The following TTC4 variants were observed in gnomAD, a reference collection of about 807,000 sequenced individuals.
TTC4 encodes the protein hsp70/Hsp90 co-chaperone CNS1 homolog.
TTC4 carries 36 observed loss-of-function variants against 51.9 expected under a neutral mutation model. That is an observed-to-expected ratio of 0.69 (90% CI 0.53 to 0.92). The LOEUF (loss-of-function observed/expected upper bound fraction) is 0.92, where lower values mean the gene tolerates loss of function less well. Ranked by LOEUF, TTC4 falls within the 40% of genes least tolerant of loss-of-function variation. TTC4 has a pLI of 0.00. For missense variants in TTC4, 399 were observed against 454.6 expected, an observed-to-expected ratio of 0.88 and a Z score of 1.11; for synonymous variants, 144 against 164.2, an observed-to-expected ratio of 0.88 and a Z score of 0.94.
At chr1:54,718,747 G>A (rs1645706387) in intron 3 of TTC4, among the ~76,000 whole-genome samples, 1 of 152,006 alleles carries the variant, frequency 6.6e-6, no homozygotes, top group East Asian at 1.9e-4. Flanking sequence ...AGTATTGCTG[G>A]TGACTAGTCT....
At chr1:54,732,950 G>A (rs148519023) in intron 7 of TTC4, among the ~76,000 whole-genome samples, 1,808 of 151,980 alleles carry the variant, frequency 0.012, 39 homozygotes, top group African/African-American at 0.041. Flanking sequence ...AGCCGGGCAT[G>A]GTGGTGCATG....
Position 54,741,581 on chromosome 1 carries a change from C to CAGTATGTCCAGCTGAT in TTC4, c.*68_*69insAGTATGTCCAGCTGAT. ...TGGGAACCTAGCACACCTGAATCAG[C>CAGTATGTCCAGCTGAT]TGGACATACTGCTGGAGTCCAGTGC... On this transcript the variant is annotated 3_prime_UTR_variant, in exon 10 of 10. Coordinates refer to ENST00000371281, the MANE Select transcript of TTC4 (RefSeq NM_004623.5). 1 of 1,271,050 alleles carries CAGTATGTCCAGCTGAT rather than the reference C, an allele frequency of 7.9e-7. No individual in the cohort carries two copies. The highest frequency in any genetic ancestry group is 1.1e-6 in the Non-Finnish European group (1 of 870,856). 78.7% of individuals were successfully genotyped at this position (1,271,050 alleles called of 1,614,324 possible).
chr1:54,725,167 C>T (rs1364796970), intron 5 of TTC4, among the ~76,000 whole-genome samples: 1 of 152,128 alleles, frequency 6.6e-6, no homozygotes, highest in Admixed American at 6.5e-5. Flanking sequence ...AGACCCCGCT[C>T]ACAGGGCTAT....
At chr1:54,739,514 G>A (rs1645986864) in intron 9 of TTC4, among the ~76,000 whole-genome samples, 1 of 152,152 alleles carries the variant, frequency 6.6e-6, no homozygotes, top group Admixed American at 6.5e-5. Context: ...AACTGCACAG[G>A]GCAGTCCTGC....
At chr1:54,731,345 C>T (rs931562851) in intron 6 of TTC4, 141 bp from the exon 7 acceptor site, 71 of 719,060 alleles carry the variant, frequency 9.9e-5, no homozygotes, top group Admixed American at 2.1e-4. Flanking sequence ...AGTGAAACTC[C>T]GTCTCTTCAA....
intron 3 of TTC4, among the ~76,000 whole-genome samples, chr1:54,720,059 C>G (rs1645724815): frequency 6.6e-6 from 1 of 152,040 alleles, no homozygotes; most frequent in African/African-American, 2.4e-5. Context: ...CCACCATGCC[C>G]AGCTAATTTT....
intron 9 of TTC4, among the ~76,000 whole-genome samples, chr1:54,738,368 G>A (rs952097987): frequency 3.3e-5 from 5 of 152,182 alleles, no homozygotes; most frequent in Non-Finnish European, 1.5e-5. Flanking sequence ...GGGATACAGA[G>A]CCAAACCATA....
At chr1:54,736,173 A>T in intron 8 of TTC4, among the ~76,000 whole-genome samples, 1 of 106,888 alleles carries the variant, frequency 9.4e-6, no homozygotes, top group African/African-American at 4.9e-5. Context: ...GAAAGAAAGA[A>T]AGGAGAGAGA....
At chr1:54,718,628 A>G (rs913272613) in intron 3 of TTC4, among the ~76,000 whole-genome samples, 2 of 152,190 alleles carry the variant, frequency 1.3e-5, no homozygotes, top group African/African-American at 4.8e-5. Flanking sequence ...ATAGCCTGCA[A>G]GAAAATAAAT....
rs1205467199 is a variant in TTC4 at position 54,734,888 on chromosome 1, C to G, written c.978+1178C>G. On this transcript the variant is annotated intron_variant, in intron 8 of 9. Coordinates refer to ENST00000371281, the MANE Select transcript of TTC4 (RefSeq NM_004623.5). Reference sequence around the variant, plus strand: ...ATTTTTCTTTATAATACCCATATAGCTATCAAAGCAGGAAATTTACATTAA... The same window carrying G: ...ATTTTTCTTTATAATACCCATATAGGTATCAAAGCAGGAAATTTACATTAA... Among the ~76,000 whole-genome samples the G allele has an allele frequency of 4.6e-5, 7 of 152,110 alleles. 1 individual carries two copies. The highest frequency in any genetic ancestry group is 1.0e-4 in the Non-Finnish European group (7 of 68,026).
chr1:54,721,296 G>A, intron 4 of TTC4, 56 bp downstream of exon 4: 1 of 1,562,414 alleles, frequency 6.4e-7, no homozygotes, highest in Admixed American at 1.7e-5. Flanking sequence ...AAGGTGCTAG[G>A]ATACTAATAA....
At position 54,717,570 on chromosome 1, in the gene TTC4, C is replaced by A. The variant is rs778186022; in HGVS notation, c.308C>A (p.Thr103Asn). 1.2e-6 allele frequency: 2 copies of A among 1,611,930 alleles called. No individual in the cohort carries two copies. The highest frequency in any genetic ancestry group is 1.7e-6 in the Non-Finnish European group (2 of 1,179,204). The part of the protein sequence containing the change: ...KDYKKAVISY[T>N]EGLKKKCADP... ...TACAAGAAAGCTGTAATTTCATACA[C>A]TGAAGGCTTAAAGAAGAAATGTGCA... The change falls in exon 3 of 10, where the codon ACT (threonine) becomes AAT (asparagine). Residue 103 changes from threonine to asparagine, a missense_variant. This residue lies in a region of TTC4 where 316 missense variants were observed against 349.6 expected (regional missense o/e 0.90). Coordinates refer to ENST00000371281, the MANE Select transcript of TTC4 (RefSeq NM_004623.5).
At chr1:54,732,370 T>C (rs1199511533) in intron 7 of TTC4, among the ~76,000 whole-genome samples, 1 of 149,942 alleles carries the variant, frequency 6.7e-6, no homozygotes, top group African/African-American at 2.4e-5. Flanking sequence ...TTGATAGATA[T>C]GTATATATAT....
At chr1:54,724,586 T>C (rs1645778887) in intron 5 of TTC4, among the ~76,000 whole-genome samples, 1 of 152,204 alleles carries the variant, frequency 6.6e-6, no homozygotes, top group Non-Finnish European at 1.5e-5. Context: ...GAAGCATTTT[T>C]TTAAATGATA....
chr1:54,733,406 G>T (rs558122639), intron 7 of TTC4, among the ~76,000 whole-genome samples: 1 of 148,122 alleles, frequency 6.8e-6, no homozygotes, highest in Admixed American at 6.7e-5. Context: ...GTGACAGAGC[G>T]AGACCCTGTC....
chr1:54,716,661 A>G lies in TTC4; in HGVS notation c.173A>G (p.Asn58Ser). ...RAPSEIDPRE[N>S]PDLACLQSII... ...CCATCAGAAATTGATCCCAGGGAGA[A>G]TCCTGACTTGGCTTGTCTCCAGTCA... Residue 58 changes from asparagine to serine, a missense_variant, in exon 2 of 10, where the codon AAT becomes AGT. Physicochemically the swap from Asn to Ser is conservative, Grantham distance 46. Coordinates refer to ENST00000371281, the MANE Select transcript of TTC4 (RefSeq NM_004623.5). 1.2e-6 allele frequency: 2 copies of G among 1,613,872 alleles called. No individual in the cohort carries two copies. Among genetic ancestry groups the G allele is most frequent in the South Asian group, 2.2e-5 (2 of 91,050 alleles).
chr1:54,741,923 A>C lies in TTC4; in HGVS notation c.*410A>C. 5.4e-6 allele frequency: 1 copy of C among 186,214 alleles called. No homozygotes were observed. Among genetic ancestry groups the C allele is most frequent in the East Asian group, 1.5e-4 (1 of 6,556 alleles). 11.5% of individuals were successfully genotyped at this position (186,214 alleles called of 1,614,324 possible). The stretch of plus-strand genomic sequence containing the variant: ...CTGCACATCTACACACAAACAAACA[A>C]TGCATAGGATTCCAAGGCTTTAAAG... On this transcript the variant is annotated 3_prime_UTR_variant, in exon 10 of 10. Transcript: ENST00000371281.
At position 54,716,700 on chromosome 1, in the gene TTC4, A is replaced by C; in HGVS notation, c.212A>C (p.Glu71Ala). The change falls in exon 2 of 10, where the codon GAG (glutamate) becomes GCG (alanine). Residue 71 changes from glutamate (E) to alanine (A), a missense_variant. By Grantham distance (107) the Glu-to-Ala change is moderately radical (BLOSUM62 -1). Coordinates refer to ENST00000371281, the MANE Select transcript of TTC4 (RefSeq NM_004623.5). ...LACLQSIIFD[E>A]ERSPEEQAKT... ...TGTCTCCAGTCAATTATTTTTGATG[A>C]GGAGCGTTCTCCAGAAGGTATCTTA... 1 of 1,611,912 alleles carries C rather than the reference A, an allele frequency of 6.2e-7. No individual in the cohort carries two copies. The highest frequency in any genetic ancestry group is 1.3e-5 in the African/African-American group (1 of 74,950).
chr1:54,728,511 G>A, intron 6 of TTC4, 79 bp downstream of exon 6: 1 of 1,370,394 alleles, frequency 7.3e-7, no homozygotes, highest in South Asian at 1.3e-5. Flanking sequence ...CCTTTCTTGG[G>A]ATGCTTTACC....
Sources: allele counts gnomAD v4.1 joint callset (sites outside exome capture counted in the v4.1 genomes callset), GRCh38; gene constraint gnomAD v4.1.1; regional missense constraint gnomAD v4.1.1; transcripts MANE v1.5; gene names NCBI Gene and HGNC (gene_info 2026-07-23, HGNC 2026-07-21).